The following ATRNL1 variants were observed in gnomAD, a reference collection of about 807,000 sequenced individuals.
ATRNL1 encodes the protein attractin-like protein 1.
In ATRNL1, 95 loss-of-function variants were observed where a neutral mutation model predicts 182.7. That is an observed-to-expected ratio of 0.52 (90% CI 0.44 to 0.62). ATRNL1 has a LOEUF of 0.62. Ranked by LOEUF, ATRNL1 falls within the 20% of genes least tolerant of loss-of-function variation. The probability of loss-of-function intolerance (pLI) is 0.00; values close to 1 mark genes in which losing one functional copy is unlikely to be tolerated. For missense variants in ATRNL1, 1,471 were observed against 1,679.5 expected (o/e 0.88, Z 2.17); for synonymous variants, 576 against 568.3 (o/e 1.01, Z -0.19).
chr10:115,223,924 T>TAA (rs1366253679), intron 9 of ATRNL1, among the ~76,000 whole-genome samples: 1 of 81,978 alleles, frequency 1.2e-5, no homozygotes, highest in South Asian at 4.0e-4. Context: ...TATATATATA[T>TAA]ATATATTTTT....
At position 115,595,143 on chromosome 10, in the gene ATRNL1, G is replaced by T. The variant is rs190089919; in HGVS notation, c.3795+45607G>T. Among the ~76,000 whole-genome samples the T allele has an allele frequency of 8.1e-4, 123 of 152,284 alleles. 2 individuals carry two copies. Among genetic ancestry groups the T allele is most frequent in the African/African-American group, 2.8e-3 (117 of 41,556 alleles). On this transcript the variant is annotated intron_variant, in intron 26 of 28. Transcript: ENST00000355044. ...TCCCAATCACAGGCCTGTCCAAAAT[G>T]ATAGCTGTTCTGGCATTTTAATTAA...
chr10:115,880,079 C>A (rs1951792698), intron 28 of ATRNL1, among the ~76,000 whole-genome samples: 1 of 152,226 alleles, frequency 6.6e-6, no homozygotes, highest in Admixed American at 6.5e-5. Flanking sequence ...TATTGCTGGA[C>A]TAGGAACTGA....
chr10:115,105,784 C>T (rs1022805477), intron 1 of ATRNL1, among the ~76,000 whole-genome samples: 2 of 152,172 alleles, frequency 1.3e-5, no homozygotes, highest in Non-Finnish European at 2.9e-5. Context: ...AGTCAAGAAT[C>T]GAGGTTTGGG....
At chr10:115,143,241 T>C (rs567976278) in intron 5 of ATRNL1, among the ~76,000 whole-genome samples, 1 of 152,308 alleles carries the variant, frequency 6.6e-6, no homozygotes, top group African/African-American at 2.4e-5. Context: ...AAGCTTGCCT[T>C]ATGTTGAACT....
rs146352760 is a variant in ATRNL1, at chr10:115,486,221, T to C, written c.3654+16892T>C. 9.0e-4 allele frequency among the ~76,000 whole-genome samples: 137 copies of C among 152,308 alleles called. No homozygotes were observed. In the East Asian group the frequency reaches 9.1e-3, roughly 10 times the overall value. On this transcript the variant is annotated intron_variant, in intron 24 of 28. Transcript: ENST00000355044. Reference sequence around the variant, plus strand: ...CAATAAACATCTGTGTGCATGTGTCTCTATAATAGAATGATTTATAATCCT... The same window carrying C: ...CAATAAACATCTGTGTGCATGTGTCCCTATAATAGAATGATTTATAATCCT...
chr10:115,103,647 A>G (rs1309683494), intron 1 of ATRNL1, among the ~76,000 whole-genome samples: 2 of 152,126 alleles, frequency 1.3e-5, no homozygotes, highest in African/African-American at 4.8e-5. Context: ...AACAATTCAT[A>G]CTAATTATAC....
intron 21 of ATRNL1, 117 bp downstream of exon 21, chr10:115,426,419 A>G (rs1051762364): frequency 3.2e-5 from 21 of 660,424 alleles, no homozygotes; most frequent in Non-Finnish European, 4.6e-5. Flanking sequence ...TCTATTTCTT[A>G]AATTTTATAA....
chr10:115,355,111 T>C (rs956163593), intron 19 of ATRNL1, among the ~76,000 whole-genome samples: 1 of 152,128 alleles, frequency 6.6e-6, no homozygotes, highest in Admixed American at 6.5e-5. Context: ...TGAGAATATA[T>C]GTATCTGCCA....
chr10:115,820,903 C>G (rs974679364), intron 27 of ATRNL1, among the ~76,000 whole-genome samples: 24 of 152,094 alleles, frequency 1.6e-4, no homozygotes, highest in African/African-American at 5.8e-4. Flanking sequence ...AGGGCAGGAC[C>G]TGGTGGGAGG....
At chr10:115,650,574 C>CGTTT (rs141184778) in intron 26 of ATRNL1, among the ~76,000 whole-genome samples, 1,768 of 152,056 alleles carry the variant, frequency 0.012, 35 homozygotes, top group African/African-American at 0.04. Context: ...CACACAGATA[C>CGTTT]GTTTGAATAG....
chr10:115,357,259 C>T (rs147532591), intron 19 of ATRNL1, among the ~76,000 whole-genome samples: 1,640 of 151,906 alleles, frequency 0.011, 13 homozygotes, highest in South Asian at 0.033. Flanking sequence ...TATTCTAATA[C>T]GTATAAAACA....
intron 19 of ATRNL1, among the ~76,000 whole-genome samples, chr10:115,358,413 A>G (rs1315482945): frequency 1.3e-5 from 2 of 151,388 alleles, no homozygotes; most frequent in African/African-American, 4.8e-5. Context: ...GTCTTACCAT[A>G]TTTTTCATAT....
chr10:115,306,426 G>A (rs1264289751), intron 17 of ATRNL1, among the ~76,000 whole-genome samples: 2 of 152,002 alleles, frequency 1.3e-5, no homozygotes, highest in Non-Finnish European at 1.5e-5. Context: ...CCCTTTGGGA[G>A]CTTTTAAGAT....
chr10:115,391,822 T>A (rs918795328), intron 19 of ATRNL1, among the ~76,000 whole-genome samples: 8 of 152,058 alleles, frequency 5.3e-5, no homozygotes, highest in Non-Finnish European at 8.8e-5. Flanking sequence ...TATGGGGGTT[T>A]TAGTAGAGTT....
Position 115,773,298 on chromosome 10 carries a change from T to C in ATRNL1, c.3903+45943T>C, listed in dbSNP as rs183817049. 2.9e-4 allele frequency among the ~76,000 whole-genome samples: 44 copies of C among 152,334 alleles called. 1 individual carries two copies. In the East Asian group the frequency reaches 6.0e-3, roughly 21 times the overall value. The stretch of plus-strand genomic sequence containing the variant: ...TTTCTTCATTGAGTTCATTCCTCAG[T>C]TGCCCTTAAAATTCATATGCCCAGA... On this transcript the variant is annotated intron_variant, in intron 27 of 28. Coordinates refer to ENST00000355044, the MANE Select transcript of ATRNL1 (RefSeq NM_207303.4).
At chr10:115,299,171 A>G (rs1205001468) in intron 15 of ATRNL1, among the ~76,000 whole-genome samples, 7 of 151,764 alleles carry the variant, frequency 4.6e-5, no homozygotes, top group Admixed American at 6.6e-5. Flanking sequence ...AAATAAATCT[A>G]TTATCATATA....
chr10:115,649,063 T>C (rs1859816594), intron 26 of ATRNL1, among the ~76,000 whole-genome samples: 1 of 152,186 alleles, frequency 6.6e-6, no homozygotes, highest in South Asian at 2.1e-4. Context: ...TGTTATAATC[T>C]TCAAAGGTCC....
intron 28 of ATRNL1, among the ~76,000 whole-genome samples, chr10:115,887,001 G>A (rs1555109962): frequency 2.6e-5 from 4 of 152,042 alleles, no homozygotes; most frequent in Admixed American, 6.5e-5. Context: ...TAGTACATTC[G>A]TTCTAGTTTG....
intron 27 of ATRNL1, among the ~76,000 whole-genome samples, chr10:115,730,500 T>C (rs1555062388): frequency 6.6e-6 from 1 of 152,134 alleles, no homozygotes; most frequent in Non-Finnish European, 1.5e-5. Flanking sequence ...TTTTCAGTAT[T>C]TTCTCCTTTC....
Sources: allele counts gnomAD v4.1 joint callset (sites outside exome capture counted in the v4.1 genomes callset), GRCh38; gene constraint gnomAD v4.1.1; transcripts MANE v1.5; gene names NCBI Gene and HGNC (gene_info 2026-07-23, HGNC 2026-07-21).